Variants in ZNF608 observed in about 807,000 individuals in gnomAD.
The protein encoded by ZNF608 is renal carcinoma antigen NY-REN-36.
ZNF608 carries 12 observed loss-of-function variants against 109.0 expected under a neutral mutation model. That is an observed-to-expected ratio of 0.11 (90% confidence interval 0.07 to 0.18). The LOEUF (loss-of-function observed/expected upper bound fraction) is 0.18, where lower values mean the gene tolerates loss of function less well. Ranked by LOEUF, ZNF608 falls within the 10% of genes least tolerant of loss-of-function variation. The pLI is 1.00. For synonymous variants in ZNF608, 732 were observed against 717.4 expected (o/e 1.02, Z -0.33); for missense variants, 1,707 against 1,879.3 (o/e 0.91, Z 1.70).
At position 124,648,434 on chromosome 5, in the gene ZNF608, G is replaced by A. The variant is rs754178754; in HGVS notation, c.1950C>T (p.Ser650=). ...TCTTCCCAGCTTTAGCACCAATAAT[G>A]GAACCTGGGCCATTGCTCATCAGCT... ...KRELMSNGPG[S]IIGAKAGKNS... Residue 650 remains serine (S), a synonymous_variant, in exon 5 of 10, where the codon TCC becomes TCT. Transcript: ENST00000513986. 1.2e-6 allele frequency: 2 copies of A among 1,614,150 alleles called. No homozygotes were observed. The highest frequency in any genetic ancestry group is 3.3e-5 in the Admixed American group (2 of 60,018).
intron 3 of ZNF608, among the ~76,000 whole-genome samples, chr5:124,663,855 C>T (rs1751374259): frequency 6.6e-6 from 1 of 152,138 alleles, no homozygotes; most frequent in Non-Finnish European, 1.5e-5. Flanking sequence ...TTGATAAAGT[C>T]TCCTGGTGCG....
intron 2 of ZNF608, among the ~76,000 whole-genome samples, chr5:124,704,143 G>A (rs1055842133): frequency 6.6e-6 from 1 of 152,206 alleles, no homozygotes; most frequent in Non-Finnish European, 1.5e-5. Context: ...GGTTCAGAGA[G>A]TTTGACTATA....
intron 2 of ZNF608, among the ~76,000 whole-genome samples, chr5:124,721,941 CAAA>C (rs199699487): frequency 0.021 from 432 of 20,724 alleles, no homozygotes; most frequent in Admixed American, 0.034. Flanking sequence ...GACTCTGTCT[CAAA>C]AAAAAAAAAA....
At chr5:124,645,681 G>A (rs1255259129) in intron 5 of ZNF608, among the ~76,000 whole-genome samples, 1 of 152,128 alleles carries the variant, frequency 6.6e-6, no homozygotes, top group East Asian at 1.9e-4. Flanking sequence ...TACATTTGTG[G>A]TTTCGTGGTG....
chr5:124,746,130 T>C (rs1749632154), intron 1 of ZNF608, 65 bp downstream of exon 1: 1 of 985,022 alleles, frequency 1.0e-6, no homozygotes, highest in Non-Finnish European at 1.2e-6. Flanking sequence ...TAACAGTTGA[T>C]TGTCAAGAAA....
rs528192749 is a variant in ZNF608, at chr5:124,638,201, C to T, written c.4533-295G>A. ...CTGACCTCAGGTGATCTGCCCACCT[C>T]GGCCTCCCAAAGTGCTGGGATTACA... On this transcript the variant is annotated intron_variant, in intron 9 of 9. Transcript: ENST00000513986. Among the ~76,000 whole-genome samples, 8 of 151,622 alleles carry T rather than the reference C, an allele frequency of 5.3e-5. No individual in the cohort carries two copies. In the East Asian group the frequency reaches 5.8e-4, roughly 11 times the overall value.
At chr5:124,722,972 G>C (rs1753990968) in intron 2 of ZNF608, among the ~76,000 whole-genome samples, 1 of 151,566 alleles carries the variant, frequency 6.6e-6, no homozygotes, top group African/African-American at 2.4e-5. Context: ...ATAACTTCCA[G>C]TTAAAGACCA....
chr5:124,695,402 G>GT (rs1480717555), intron 3 of ZNF608, among the ~76,000 whole-genome samples: 2 of 152,182 alleles, frequency 1.3e-5, no homozygotes, highest in African/African-American at 4.8e-5. Context: ...AGATTGGCAA[G>GT]TAATACTGCA....
intron 2 of ZNF608, among the ~76,000 whole-genome samples, chr5:124,735,883 G>C (rs1397578373): frequency 1.3e-5 from 2 of 152,226 alleles, no homozygotes; most frequent in African/African-American, 4.8e-5. Context: ...TTAAAAATTT[G>C]GGAATACGAA....
chr5:124,717,491 T>C (rs1459140802), intron 2 of ZNF608, among the ~76,000 whole-genome samples: 1 of 152,088 alleles, frequency 6.6e-6, no homozygotes, highest in East Asian at 1.9e-4. Flanking sequence ...ATAAATAAAT[T>C]CATTTTTTAA....
chr5:124,707,826 C>T (rs1270310291), intron 2 of ZNF608: 1 of 152,244 alleles, frequency 6.6e-6, no homozygotes, highest in Non-Finnish European at 1.5e-5. Context: ...CAGAACTAAT[C>T]ATTGAGGCTG....
intron 3 of ZNF608, among the ~76,000 whole-genome samples, chr5:124,694,944 G>C (rs1368571283): frequency 6.6e-6 from 1 of 152,186 alleles, no homozygotes; most frequent in Non-Finnish European, 1.5e-5. Flanking sequence ...AATACAGAGT[G>C]GCACTAACTA....
Position 124,685,525 on chromosome 5 carries a change from A to C in ZNF608, c.1162+15489T>G, listed in dbSNP as rs534623103. Reference sequence around the variant, plus strand: ...TGCATGAAGTGACAGTTGCATACCCACTGGTAGAGTATCTGCATCTCCCTT... The same window carrying C: ...TGCATGAAGTGACAGTTGCATACCCCCTGGTAGAGTATCTGCATCTCCCTT... On this transcript the variant is annotated intron_variant, in intron 3 of 9. Coordinates refer to ENST00000513986, the MANE Select transcript of ZNF608 (RefSeq NM_020747.3). Among the ~76,000 whole-genome samples the C allele has an allele frequency of 1.4e-4, 22 of 152,172 alleles. No homozygotes were observed. The South Asian group carries it at 4.0e-3, about 27-fold the overall frequency.
At chr5:124,720,076 G>A (rs1379860273) in intron 2 of ZNF608, among the ~76,000 whole-genome samples, 1 of 152,178 alleles carries the variant, frequency 6.6e-6, no homozygotes, top group Non-Finnish European at 1.5e-5. Context: ...CATAATTTAA[G>A]GTGCTACTGA....
intron 3 of ZNF608, among the ~76,000 whole-genome samples, chr5:124,654,462 C>T (rs1474107514): frequency 6.6e-6 from 1 of 152,294 alleles, no homozygotes; most frequent in South Asian, 2.1e-4. Context: ...GAATTAGAAG[C>T]AAATGGAGAC....
chr5:124,638,051 A>G (rs1024030109), intron 9 of ZNF608, 145 bp from the exon 10 acceptor site: 3 of 731,306 alleles, frequency 4.1e-6, no homozygotes, highest in Non-Finnish European at 6.9e-6. Flanking sequence ...CCTGGGTTCA[A>G]GTGATTCTCC....
intron 2 of ZNF608, chr5:124,710,448 T>C (rs1216735527): frequency 5.7e-6 from 2 of 353,088 alleles, no homozygotes; most frequent in Non-Finnish European, 1.1e-5. Context: ...ATGGGAGCTA[T>C]GTGGTGTATA....
At chr5:124,651,350 A>C (rs1322194280) in intron 3 of ZNF608, among the ~76,000 whole-genome samples, 1 of 152,190 alleles carries the variant, frequency 6.6e-6, no homozygotes, top group Non-Finnish European at 1.5e-5. Context: ...GCAAAGGGGA[A>C]GACTGAGCTG....
intron 3 of ZNF608, among the ~76,000 whole-genome samples, chr5:124,678,729 C>G (rs1561554365): frequency 2.6e-5 from 4 of 152,136 alleles, no homozygotes; most frequent in Admixed American, 1.3e-4. Flanking sequence ...GGCCCATGAG[C>G]CAAAAGCTTT....
Sources: allele counts gnomAD v4.1 joint callset (sites outside exome capture counted in the v4.1 genomes callset), GRCh38; gene constraint gnomAD v4.1.1; transcripts MANE v1.5; gene names NCBI Gene and HGNC (gene_info 2026-07-23, HGNC 2026-07-21).